CROCC2: variants seen among roughly 807,000 people sequenced by gnomAD.
CROCC2 encodes the protein ciliary rootlet coiled-coil protein 2.
CROCC2 carries 163 observed loss-of-function variants against 177.6 expected under a neutral mutation model. The observed-to-expected ratio is 0.92, with a 90% CI of 0.81 to 1.05. CROCC2 has a LOEUF of 1.05. Among genes scored for constraint, CROCC2 ranks in the 50% least tolerant of loss-of-function variants. CROCC2 has a pLI of 0.00. For synonymous variants in CROCC2, 904 were observed against 787.3 expected (o/e 1.15, Z -2.48); for missense variants, 1,929 against 1,797.8 (o/e 1.07, Z -1.32).
intron 27 of CROCC2, among the ~76,000 whole-genome samples, chr2:240,980,674 T>G (rs535297387): frequency 4.5e-3 from 4 of 884 alleles, no homozygotes; most frequent in African/African-American, 0.029. Context: ...AGCCTCAGGA[T>G]CCCAGGCTCA....
At position 240,972,446 on chromosome 2, in the gene CROCC2, C is replaced by T. The variant is rs1327960562; in HGVS notation, c.4401+4184C>T. ...ACAGGGATGGAGGGCTCCCCGGGTC[C>T]CCCAGCCACAGCAACCCTCTTCCCT... On this transcript the variant is annotated intron_variant, in intron 27 of 31. Coordinates refer to ENST00000690015, the MANE Select transcript of CROCC2 (RefSeq NM_001351305.2). This position sits in a 1 kb window ranked among gnomAD's most constrained non-coding sequence, Gnocchi z 7.1. Among the ~76,000 whole-genome samples, 1 of 152,062 alleles carries T rather than the reference C, an allele frequency of 6.6e-6. No homozygotes were observed. The highest frequency in any genetic ancestry group is 6.5e-5 in the Admixed American group (1 of 15,276).
intron 15 of CROCC2, 41 bp from the exon 16 acceptor site, chr2:240,948,938 T>C (rs1297418556): frequency 1.9e-5 from 29 of 1,539,582 alleles, no homozygotes; most frequent in Non-Finnish European, 2.5e-5. Context: ...ACACGCAGGA[T>C]CTTGGGGATG....
At chr2:240,985,646 C>G (rs2059834628) in intron 28 of CROCC2, among the ~76,000 whole-genome samples, 20 of 115,758 alleles carry the variant, frequency 1.7e-4, no homozygotes, top group Non-Finnish European at 1.7e-4. Flanking sequence ...GGCACTCACT[C>G]CACACACACC....
intron 14 of CROCC2, among the ~76,000 whole-genome samples, chr2:240,940,910 A>G (rs1023635915): frequency 3.3e-5 from 5 of 152,154 alleles, no homozygotes; most frequent in African/African-American, 1.2e-4. Flanking sequence ...TCAAACTCTC[A>G]CTGTTTTCCG....
chr2:240,973,118 G>C lies in CROCC2; in HGVS notation c.4401+4856G>C, dbSNP rs1360810549. Among the ~76,000 whole-genome samples the C allele has an allele frequency of 6.6e-6, 1 of 152,158 alleles. No individual in the cohort carries two copies. Among genetic ancestry groups the C allele is most frequent in the East Asian group, 1.9e-4 (1 of 5,190 alleles). ...TGACACAACTTCTTTTGCTTTCATGGGTTGGTTTTTCCCCTGTTTCACATA... is the reference window on the plus strand; with the variant it reads ...TGACACAACTTCTTTTGCTTTCATGCGTTGGTTTTTCCCCTGTTTCACATA... On this transcript the variant is annotated intron_variant, in intron 27 of 31. Transcript: ENST00000690015. The surrounding 1 kb of genome is among the most constrained non-coding windows in gnomAD (Gnocchi z 4.7).
At position 240,953,265 on chromosome 2, in the gene CROCC2, A is replaced by C. The variant is rs1475439673; in HGVS notation, c.2830-2594A>C. ...TCTCTACTAAAAAAAAAATACAAAA[A>C]TTAGCTGGGTGTGGTGGTGGGTGCC... On this transcript the variant is annotated intron_variant, in intron 18 of 31. Coordinates refer to ENST00000690015, the MANE Select transcript of CROCC2 (RefSeq NM_001351305.2). This position sits in a 1 kb window ranked among gnomAD's most constrained non-coding sequence, Gnocchi z 4.0. 6.6e-6 allele frequency among the ~76,000 whole-genome samples: 1 copy of C among 151,944 alleles called. No homozygotes were observed. Among genetic ancestry groups the C allele is most frequent in the East Asian group, 1.9e-4 (1 of 5,172 alleles).
In CROCC2 at chr2:240,963,612, C is replaced by T. The variant is rs753127441; in HGVS notation, c.3144C>T (p.Arg1048=). ...CCCAGGAGGGACTGGCCGCACTGCGCCAGGAGCTGCAGGGCGTCGAGGAGA... is the reference window on the plus strand; with the variant it reads ...CCCAGGAGGGACTGGCCGCACTGCGTCAGGAGCTGCAGGGCGTCGAGGAGA... ...TVAQEGLAAL[R]QELQGVEESR... The change falls in exon 21 of 32, where the codon CGC becomes CGT. Residue 1048 remains arginine, a synonymous_variant. Coordinates refer to ENST00000690015, the MANE Select transcript of CROCC2 (RefSeq NM_001351305.2). The T allele has an allele frequency of 5.8e-6, 9 of 1,548,336 alleles. No homozygotes were observed. The highest frequency in any genetic ancestry group is 7.0e-6 in the Non-Finnish European group (8 of 1,146,386).
chr2:240,920,451 G>T (rs1375503384), intron 3 of CROCC2, among the ~76,000 whole-genome samples: 1 of 152,188 alleles, frequency 6.6e-6, no homozygotes, highest in Admixed American at 6.5e-5. Context: ...GGAGCCCTGT[G>T]GGGTGGCCTG....
intron 27 of CROCC2, among the ~76,000 whole-genome samples, chr2:240,969,218 G>A (rs1019218798): frequency 4.6e-5 from 7 of 152,220 alleles, no homozygotes; most frequent in African/African-American, 1.7e-4. Flanking sequence ...TTGCAGGTTG[G>A]CAGAAAGGCC....
At position 240,958,580 on chromosome 2, in the gene CROCC2, C is replaced by T. The variant is rs1165796126; in HGVS notation, c.2944-721C>T. On this transcript the variant is annotated intron_variant, in intron 19 of 31. Transcript: ENST00000690015. The surrounding 1 kb of genome is among the most constrained non-coding windows in gnomAD (Gnocchi z 6.7). The stretch of plus-strand genomic sequence containing the variant: ...AGGGAGCCATCCCCCACCAGCCGCC[C>T]CCCGCCAGCCGCCTGCTGCTGCCTG... The T allele has an allele frequency of 1.0e-6, 1 of 985,144 alleles. No homozygotes were observed. Among genetic ancestry groups the T allele is most frequent in the Non-Finnish European group, 1.2e-6 (1 of 829,802 alleles). 61.0% of individuals were successfully genotyped at this position (985,144 alleles called of 1,614,324 possible).
At chr2:240,967,563 G>A in intron 26 of CROCC2, 98 bp downstream of exon 26, 1 of 1,509,384 alleles carries the variant, frequency 6.6e-7, no homozygotes, top group Admixed American at 2.0e-5. Context: ...TCAGTCCCTG[G>A]GGCAGCTCGG....
At chr2:240,986,377 C>T (rs1227000935) in intron 28 of CROCC2, among the ~76,000 whole-genome samples, 1 of 152,158 alleles carries the variant, frequency 6.6e-6, no homozygotes, top group Non-Finnish European at 1.5e-5. Flanking sequence ...GCCCCTTGAC[C>T]CCAGAGCCCC....
chr2:240,936,129 G>A (rs558160387), intron 14 of CROCC2, among the ~76,000 whole-genome samples: 10 of 152,292 alleles, frequency 6.6e-5, no homozygotes, highest in African/African-American at 2.4e-4. Flanking sequence ...GTCACATTCA[G>A]GACAGCTCAA....
Position 240,918,236 on chromosome 2 carries a change from C to CA in CROCC2, c.79-488dup, listed in dbSNP as rs996764197. Among the ~76,000 whole-genome samples the CA allele has an allele frequency of 3.6e-4, 55 of 152,116 alleles. No homozygotes were observed. The highest frequency in any genetic ancestry group is 4.7e-4 in the Non-Finnish European group (32 of 68,010). On this transcript the variant is annotated intron_variant, in intron 1 of 31. Transcript: ENST00000690015. This position sits in a 1 kb window ranked among gnomAD's most constrained non-coding sequence, Gnocchi z 6.3. ...TGACCCATCCTCAGCCCCCACCCCC[C>CA]AACAAACACACACAAACACACTGGG... is the stretch of plus-strand genomic sequence containing the variant.
At chr2:240,912,533 A>AG (rs1161878691) in intron 1 of CROCC2, among the ~76,000 whole-genome samples, 1 of 152,230 alleles carries the variant, frequency 6.6e-6, no homozygotes, top group Admixed American at 6.5e-5. Context: ...AGAGGTGCCC[A>AG]GGTCAAGGTA....
chr2:240,950,789 A>C, intron 18 of CROCC2: 1 of 415,580 alleles, frequency 2.4e-6, no homozygotes, highest in South Asian at 4.2e-5. Flanking sequence ...CTCTCCATCC[A>C]TCCCTCCATC....
chr2:240,955,330 A>G (rs1162682628), intron 18 of CROCC2: 1 of 154,314 alleles, frequency 6.5e-6, no homozygotes, highest in Admixed American at 6.3e-5. Flanking sequence ...GCATAGAGAG[A>G]ATATACATGT....
chr2:240,913,883 G>T (rs2106450265), intron 1 of CROCC2, among the ~76,000 whole-genome samples: 1 of 152,392 alleles, frequency 6.6e-6, no homozygotes, highest in East Asian at 1.9e-4. Flanking sequence ...CGGAAGGACG[G>T]CAAGCAGACG....
chr2:240,963,749 G>T lies in CROCC2; in HGVS notation c.3281G>T (p.Cys1094Phe). 1 of 1,549,982 alleles carries T rather than the reference G, an allele frequency of 6.5e-7. No individual in the cohort carries two copies. The highest frequency in any genetic ancestry group is 8.7e-7 in the Non-Finnish European group (1 of 1,146,656). Residue 1094 changes from cysteine (C) to phenylalanine (F), a missense_variant, in exon 21 of 32, where the codon TGC becomes TTC. Physicochemically the swap from Cys to Phe is radical, Grantham distance 205. Coordinates refer to ENST00000690015, the MANE Select transcript of CROCC2 (RefSeq NM_001351305.2). ...AACAGCGAGCTGCGGGCCACCATCT[G>T]CAGGGCCGAACAGGAGAAGGCCAGG... is the stretch of plus-strand genomic sequence containing the variant. ...LFNSELRATI[C>F]RAEQEKASFK...
Sources: allele counts gnomAD v4.1 joint callset (sites outside exome capture counted in the v4.1 genomes callset), GRCh38; gene constraint gnomAD v4.1.1; non-coding constraint Gnocchi (gnomAD v3.1); transcripts MANE v1.5; gene names NCBI Gene and HGNC (gene_info 2026-07-23, HGNC 2026-07-21).